Variants in PCDHGB5 observed in about 807,000 individuals in gnomAD.
PCDHGB5 encodes the protein protocadherin gamma subfamily B, 5, also known as protocadherin gamma-B5.
A neutral mutation model predicts 62.9 loss-of-function variants in PCDHGB5; 48 were observed. The observed-to-expected ratio is 0.76, with a 90% CI of 0.61 to 0.97. The LOEUF is 0.97. Ranked by LOEUF, PCDHGB5 falls within the 50% of genes least tolerant of loss-of-function variation. The pLI is 0.00. For missense variants in PCDHGB5, 1,118 were observed against 1,198.6 expected, an observed-to-expected ratio of 0.93 and a Z score of 0.99; for synonymous variants, 474 against 511.2, an observed-to-expected ratio of 0.93 and a Z score of 0.98.
chr5:141,509,864 A>G (rs2099878667), intron 3 of PCDHGB5, among the ~76,000 whole-genome samples: 1 of 152,262 alleles, frequency 6.6e-6, no homozygotes, highest in East Asian at 1.9e-4. Context: ...GATAAGGTCC[A>G]AGCTGCTGGT....
Position 141,432,683 on chromosome 5 carries a change from C to T in PCDHGB5, c.2397+32159C>T, listed in dbSNP as rs138402830. The T allele has an allele frequency of 4.8e-5, 78 of 1,613,968 alleles. No individual in the cohort carries two copies. In the African/African-American group the frequency reaches 9.5e-4, roughly 20 times the overall value. On this transcript the variant is annotated intron_variant, in intron 1 of 3. Transcript: ENST00000617380. The surrounding 1 kb of genome is among the most constrained non-coding windows in gnomAD (Gnocchi z 6.0). ...GGACAGAGACGCGCTCAAGCAGAGC[C>T]TCGTAGTGGCCGTCCAGGACCACGG...
rs755936344 is a variant in PCDHGB5, at chr5:141,490,704, C to T, written c.2398-4103C>T. ...ATCCAGACACTGGGGATAATGCCCG[C>T]CTCACCTACTCCATTGTAGGAAATC... On this transcript the variant is annotated intron_variant, in intron 1 of 3. Transcript: ENST00000617380. The surrounding 1 kb of genome is among the most constrained non-coding windows in gnomAD (Gnocchi z 5.4). 6.2e-7 allele frequency: 1 copy of T among 1,614,166 alleles called. No homozygotes were observed.
chr5:141,412,554 C>T (rs2095562022), intron 1 of PCDHGB5: 1 of 152,094 alleles, frequency 6.6e-6, no homozygotes, highest in Non-Finnish European at 1.5e-5. Context: ...TGAATTATCT[C>T]ATGAGTTTAT....
intron 1 of PCDHGB5, among the ~76,000 whole-genome samples, chr5:141,465,839 G>A (rs1166392052): frequency 6.6e-6 from 1 of 151,400 alleles, no homozygotes; most frequent in Non-Finnish European, 1.5e-5. Context: ...AATTTCAACT[G>A]AGGCTGGGCC....
chr5:141,421,102 T>A (rs1420706532), intron 1 of PCDHGB5: 2 of 691,286 alleles, frequency 2.9e-6, no homozygotes, highest in Admixed American at 6.2e-5. Context: ...CACTGGAGAC[T>A]TAGAAGTATT....
At chr5:141,445,838 A>T (rs1302150397) in intron 1 of PCDHGB5, among the ~76,000 whole-genome samples, 1 of 152,218 alleles carries the variant, frequency 6.6e-6, no homozygotes, top group South Asian at 2.1e-4. Flanking sequence ...GAGCCTTGTA[A>T]ATCACACTTA....
At position 141,477,830 on chromosome 5, in the gene PCDHGB5, C is replaced by T; in HGVS notation, c.2398-16977C>T. ...TGCCCCCCAGGTCCTATATCCTCGG[C>T]CAGGTGGGAGCTCGGTGGAGATGCT... is the stretch of plus-strand genomic sequence containing the variant. On this transcript the variant is annotated intron_variant, in intron 1 of 3. Transcript: ENST00000617380. The surrounding 1 kb of genome is among the most constrained non-coding windows in gnomAD (Gnocchi z 4.9). 1 of 1,614,170 alleles carries T rather than the reference C, an allele frequency of 6.2e-7. No individual in the cohort carries two copies. Among genetic ancestry groups the T allele is most frequent in the Non-Finnish European group, 8.5e-7 (1 of 1,180,038 alleles).
At chr5:141,460,010 G>A (rs376180479) in intron 1 of PCDHGB5, among the ~76,000 whole-genome samples, 1 of 152,126 alleles carries the variant, frequency 6.6e-6, no homozygotes, top group Admixed American at 6.5e-5. Context: ...CCCAGGAGGC[G>A]GAGGTTGCAG....
rs755093164 is a variant in PCDHGB5, at chr5:141,485,516, G to C, written c.2398-9291G>C. On this transcript the variant is annotated intron_variant, in intron 1 of 3. Coordinates refer to ENST00000617380, the MANE Select transcript of PCDHGB5 (RefSeq NM_018925.3). The surrounding 1 kb of genome is among the most constrained non-coding windows in gnomAD (Gnocchi z 5.7). Reference sequence around the variant, plus strand: ...GGAGTTTGTCACCGAAGGTCCTTTGGAAATGTACCGAGCAGAGGTAGAGAT... The same window carrying C: ...GGAGTTTGTCACCGAAGGTCCTTTGCAAATGTACCGAGCAGAGGTAGAGAT... 1 of 1,614,172 alleles carries C rather than the reference G, an allele frequency of 6.2e-7. No individual in the cohort carries two copies.
intron 1 of PCDHGB5, among the ~76,000 whole-genome samples, chr5:141,447,652 C>T (rs901761789): frequency 6.6e-6 from 1 of 151,972 alleles, no homozygotes; most frequent in African/African-American, 2.4e-5. Context: ...TAGAATTTTC[C>T]CCCCCAGGAA....
intron 3 of PCDHGB5, 43 bp downstream of exon 3, chr5:141,505,524 G>A: frequency 6.2e-7 from 1 of 1,612,712 alleles, no homozygotes; most frequent in Non-Finnish European, 8.5e-7. Context: ...GGAGACCTGG[G>A]GTTCTGGGGT....
At chr5:141,498,231 A>T (rs1213697084) in intron 2 of PCDHGB5, among the ~76,000 whole-genome samples, 1 of 152,268 alleles carries the variant, frequency 6.6e-6, no homozygotes, top group East Asian at 1.9e-4. Flanking sequence ...ATGGTCAGGC[A>T]TACCAGCTTC....
In PCDHGB5 at chr5:141,491,770, G is replaced by A; in HGVS notation, c.2398-3037G>A. 6.4e-7 allele frequency: 1 copy of A among 1,560,888 alleles called. No individual in the cohort carries two copies. Among genetic ancestry groups the A allele is most frequent in the Non-Finnish European group, 8.7e-7 (1 of 1,154,942 alleles). On this transcript the variant is annotated intron_variant, in intron 1 of 3. Coordinates refer to ENST00000617380, the MANE Select transcript of PCDHGB5 (RefSeq NM_018925.3). This position sits in a 1 kb window ranked among gnomAD's most constrained non-coding sequence, Gnocchi z 6.9. ...TGGAGAAGCCGCCCGTCCTCATAAG[G>A]GATTGAACTTGCATCCACTCCTCTC...
In PCDHGB5 at chr5:141,487,747, CTA is replaced by C. The variant is rs2099663990; in HGVS notation, c.2398-7058_2398-7057del. 1 of 1,558,062 alleles carries C rather than the reference CTA, an allele frequency of 6.4e-7. No individual in the cohort carries two copies. The highest frequency in any genetic ancestry group is 2.4e-5 in the East Asian group (1 of 41,708). On this transcript the variant is annotated intron_variant, in intron 1 of 3. Coordinates refer to ENST00000617380, the MANE Select transcript of PCDHGB5 (RefSeq NM_018925.3). This position sits in a 1 kb window ranked among gnomAD's most constrained non-coding sequence, Gnocchi z 5.0. ...ATGTCACCATTTTTGTAAGAGGTAA[CTA>C]TGTGGTAGACGCTGTGCTTTGTAAC... is the stretch of plus-strand genomic sequence containing the variant.
In PCDHGB5 at chr5:141,476,374, GTTTGTGAACGACCGTC is replaced by G. The variant is rs1424626307; in HGVS notation, c.2398-18431_2398-18416del. 1 of 1,614,060 alleles carries G rather than the reference GTTTGTGAACGACCGTC, an allele frequency of 6.2e-7. No individual in the cohort carries two copies. The highest frequency in any genetic ancestry group is 1.3e-5 in the African/African-American group (1 of 74,922). Reference sequence around the variant, plus strand: ...AGGTGAACCGGGAGACCGGAGAGATGTTTGTGAACGACCGTCTGGATCGAGAGGAGCTGTGTGGGAC... The same window carrying G: ...AGGTGAACCGGGAGACCGGAGAGATGTGGATCGAGAGGAGCTGTGTGGGAC... On this transcript the variant is annotated intron_variant, in intron 1 of 3. Coordinates refer to ENST00000617380, the MANE Select transcript of PCDHGB5 (RefSeq NM_018925.3). The surrounding 1 kb of genome is among the most constrained non-coding windows in gnomAD (Gnocchi z 7.6).
chr5:141,418,908 C>G, intron 1 of PCDHGB5: 3 of 1,613,932 alleles, frequency 1.9e-6, no homozygotes, highest in Non-Finnish European at 2.5e-6. Flanking sequence ...ATAATCATCA[C>G]GTCACTCTCT....
chr5:141,443,650 CA>C (rs2098397782), intron 1 of PCDHGB5, among the ~76,000 whole-genome samples: 1 of 152,150 alleles, frequency 6.6e-6, no homozygotes. Flanking sequence ...ATAATGTTAG[CA>C]TAGCATTTTA....
At chr5:141,436,347 CT>C (rs1402378657) in intron 1 of PCDHGB5, among the ~76,000 whole-genome samples, 1 of 152,118 alleles carries the variant, frequency 6.6e-6, no homozygotes, top group African/African-American at 2.4e-5. Context: ...ATATCAGTGA[CT>C]TCAATCAACT....
At chr5:141,409,986 A>G (rs995773112) in intron 1 of PCDHGB5, 27 of 1,612,796 alleles carry the variant, frequency 1.7e-5, no homozygotes, top group Non-Finnish European at 2.2e-5. Context: ...GTAGCGGTGG[A>G]CGCCGACTCG....
Sources: gnomAD v4.1 joint callset for allele counts (sites outside exome capture counted in the v4.1 genomes callset) on GRCh38, gnomAD v4.1.1 for gene constraint, Gnocchi (gnomAD v3.1) non-coding constraint, MANE v1.5 for transcripts, NCBI Gene and HGNC (gene_info 2026-07-23, HGNC 2026-07-21) for gene names.